TCF20: variants seen among roughly 807,000 people sequenced by gnomAD.
TCF20 encodes the protein SPRE-binding protein.
In TCF20, 3 loss-of-function variants were observed where a neutral mutation model predicts 148.6. The ratio of observed to expected loss-of-function variants is 0.02; its 90% confidence interval spans 0.01 to 0.05. TCF20 has a LOEUF of 0.05. TCF20 is among the 10% of genes least tolerant of loss of function. The pLI is 1.00. For synonymous variants in TCF20, 1,049 were observed against 909.5 expected (o/e 1.15, Z -2.76); for missense variants, 2,350 against 2,429.3 (o/e 0.97, Z 0.69).
chr22:42,214,815 C>G lies in TCF20; in HGVS notation c.491G>C (p.Ser164Thr). ...QDYTGPFSPGSAQYQQQASSQ... is the reference protein window; with the variant it reads ...QDYTGPFSPGTAQYQQQASSQ... Reference sequence around the variant, plus strand: ...GGAAGCCTGCTGTTGGTACTGAGCACTCCCTGGAGAGAAAGGCCCAGTGTA... The same window carrying G: ...GGAAGCCTGCTGTTGGTACTGAGCAGTCCCTGGAGAGAAAGGCCCAGTGTA... Residue 164 changes from serine to threonine, a missense_variant, in exon 2 of 6, where the codon AGT becomes ACT. This residue lies in a region of TCF20 where 1,641 missense variants were observed against 1,662.6 expected (regional missense o/e 0.99). Coordinates refer to ENST00000677622, the MANE Select transcript of TCF20 (RefSeq NM_001378418.1). 1 of 1,614,104 alleles carries G rather than the reference C, an allele frequency of 6.2e-7. No homozygotes were observed. The highest frequency in any genetic ancestry group is 8.5e-7 in the Non-Finnish European group (1 of 1,180,028).
In TCF20 at chr22:42,317,321, C is replaced by T. The variant is rs1927649326; in HGVS notation, c.-37+26158G>A. Reference sequence around the variant, plus strand: ...CACTGAAGGTGGCAATATTTCACCTCGCCCAGAAATTTACTGCAAGTTCTC... The same window carrying T: ...CACTGAAGGTGGCAATATTTCACCTTGCCCAGAAATTTACTGCAAGTTCTC... On this transcript the variant is annotated intron_variant, in intron 1 of 1. Coordinates refer to the TCF20 transcript ENST00000515426. This position sits in a 1 kb window ranked among gnomAD's most constrained non-coding sequence, Gnocchi z 4.2. Among the ~76,000 whole-genome samples the T allele has an allele frequency of 1.3e-5, 2 of 152,218 alleles. No individual in the cohort carries two copies. The highest frequency in any genetic ancestry group is 4.1e-4 in the South Asian group (2 of 4,826).
At chr22:42,208,155 G>GT (rs1322333929) in intron 2 of TCF20, among the ~76,000 whole-genome samples, 1 of 152,162 alleles carries the variant, frequency 6.6e-6, no homozygotes, top group African/African-American at 2.4e-5. Context: ...TCCAGCCTGG[G>GT]TAAGGGCATG....
intron 5 of TCF20, among the ~76,000 whole-genome samples, chr22:42,166,880 G>C (rs888560308): frequency 6.6e-6 from 1 of 152,206 alleles, no homozygotes; most frequent in Non-Finnish European, 1.5e-5. Flanking sequence ...GCCTGTGCTG[G>C]CACAGGGGTG....
At chr22:42,174,221 T>TAA (rs914565232) in intron 3 of TCF20, among the ~76,000 whole-genome samples, 2 of 148,812 alleles carry the variant, frequency 1.3e-5, no homozygotes, top group African/African-American at 4.9e-5. Context: ...AAGTTTACAT[T>TAA]AAAAAAAAAA....
At chr22:42,242,155 A>T (rs1924462219) in intron 1 of TCF20, among the ~76,000 whole-genome samples, 1 of 142,784 alleles carries the variant, frequency 7.0e-6, no homozygotes, top group Non-Finnish European at 1.5e-5. Context: ...GTGAGCCGAA[A>T]TCGCACCACC....
At chr22:42,216,082 T>TTG (rs1216130122) in intron 1 of TCF20, among the ~76,000 whole-genome samples, 8 of 105,986 alleles carry the variant, frequency 7.5e-5, no homozygotes, top group African/African-American at 3.6e-4. Flanking sequence ...CCAAATCCTT[T>TTG]TTTTTTTTTT....
chr22:42,225,838 G>T (rs1922840021), intron 1 of TCF20, among the ~76,000 whole-genome samples: 1 of 152,098 alleles, frequency 6.6e-6, no homozygotes, highest in Non-Finnish European at 1.5e-5. Context: ...CAGGGTTGTT[G>T]GACACCACAG....
At chr22:42,164,811 C>T (rs995026007) in intron 5 of TCF20, among the ~76,000 whole-genome samples, 2 of 152,152 alleles carry the variant, frequency 1.3e-5, no homozygotes, top group Admixed American at 1.3e-4. Flanking sequence ...AGCCTGTTTT[C>T]AACATGAAGA....
chr22:42,184,084 C>T (rs1272670010), intron 2 of TCF20, among the ~76,000 whole-genome samples: 1 of 152,072 alleles, frequency 6.6e-6, no homozygotes, highest in African/African-American at 2.4e-5. Context: ...TTCTTTAATG[C>T]AACAGATTTC....
At chr22:42,178,184 CTA>C (rs1008500494) in intron 3 of TCF20, among the ~76,000 whole-genome samples, 2 of 152,160 alleles carry the variant, frequency 1.3e-5, no homozygotes, top group Non-Finnish European at 2.9e-5. Flanking sequence ...ACATCTGGCC[CTA>C]TGTTTCTTTC....
intron 1 of TCF20, among the ~76,000 whole-genome samples, chr22:42,310,249 G>C (rs970857116): frequency 2.6e-5 from 4 of 152,206 alleles, no homozygotes; most frequent in African/African-American, 9.7e-5. Context: ...TGTTTAATTA[G>C]GGCAATGACA....
rs1260087810 is a variant in TCF20 at position 42,210,405 on chromosome 22, T to C, written c.4901A>G (p.Tyr1634Cys). Residue 1634 changes from tyrosine to cysteine, a missense_variant, in exon 2 of 6, where the codon TAC (tyrosine) becomes TGC (cysteine). By Grantham distance (194) the Tyr-to-Cys change is radical. Around this residue, in one of 7 missense-constraint regions of TCF20, gnomAD observed 374 missense variants for 398.3 expected, o/e 0.94. Transcript: ENST00000677622. This position sits in a 1 kb window ranked among gnomAD's most constrained non-coding sequence, Gnocchi z 4.7. The part of the protein sequence containing the change: ...TDAKNKSFYP[Y>C]IHVVNKCELG... The stretch of plus-strand genomic sequence containing the variant: ...TTCACACTTATTTACTACATGGATG[T>C]AAGGGTAAAAAGACTTGTTCTTGGC... The C allele has an allele frequency of 6.2e-7, 1 of 1,614,250 alleles. No individual in the cohort carries two copies. The highest frequency in any genetic ancestry group is 8.5e-7 in the Non-Finnish European group (1 of 1,180,046).
chr22:42,169,801 C>T (rs565950436), intron 4 of TCF20, 46 bp downstream of exon 4: 5 of 1,608,156 alleles, frequency 3.1e-6, no homozygotes, highest in African/African-American at 2.7e-5. Context: ...GGAGGAGCCA[C>T]CCTCGATCCC....
chr22:42,250,755 A>G (rs1050280130), intron 1 of TCF20, among the ~76,000 whole-genome samples: 12 of 152,184 alleles, frequency 7.9e-5, no homozygotes, highest in African/African-American at 2.4e-4. Context: ...CTGCATTGCT[A>G]TGAAGGAATA....
intron 3 of TCF20, among the ~76,000 whole-genome samples, chr22:42,173,037 G>A (rs1211362226): frequency 6.6e-6 from 1 of 151,970 alleles, no homozygotes; most frequent in East Asian, 1.9e-4. Flanking sequence ...CAAGATCAAA[G>A]TCTGCAGCAG....
At chr22:42,264,396 A>C (rs1926177817) in intron 1 of TCF20, among the ~76,000 whole-genome samples, 1 of 152,310 alleles carries the variant, frequency 6.6e-6, no homozygotes, top group African/African-American at 2.4e-5. Flanking sequence ...GATTTTTTAA[A>C]AAAAGCAGAC....
chr22:42,163,766 A>G (rs1160745595), intron 5 of TCF20, among the ~76,000 whole-genome samples: 1 of 152,160 alleles, frequency 6.6e-6, no homozygotes, highest in African/African-American at 2.4e-5. Flanking sequence ...AGCAGGAGCG[A>G]CCTGCCGCCC....
chr22:42,319,796 G>C (rs1927699456), intron 1 of TCF20, among the ~76,000 whole-genome samples: 1 of 152,164 alleles, frequency 6.6e-6, no homozygotes, highest in Non-Finnish European at 1.5e-5. Flanking sequence ...CAGGCGAGGA[G>C]GCCGGGGAAG....
intron 1 of TCF20, among the ~76,000 whole-genome samples, chr22:42,267,085 T>C (rs1926327458): frequency 6.6e-6 from 1 of 151,890 alleles, no homozygotes; most frequent in African/African-American, 2.4e-5. Flanking sequence ...CTGACCAACA[T>C]GGAGAAATCC....
Sources: allele counts gnomAD v4.1 joint callset (sites outside exome capture counted in the v4.1 genomes callset), GRCh38; gene constraint gnomAD v4.1.1; regional missense constraint gnomAD v4.1.1; non-coding constraint Gnocchi (gnomAD v3.1); transcripts MANE v1.5; gene names NCBI Gene and HGNC (gene_info 2026-07-23, HGNC 2026-07-21).